The following NHS variants were observed in gnomAD, a reference collection of about 807,000 sequenced individuals.
The protein encoded by NHS is actin remodeling regulator NHS.
Under a neutral mutation model 72.5 loss-of-function variants are expected in NHS, and 5 were observed. The ratio of observed to expected loss-of-function variants is 0.07; its 90% confidence interval spans 0.04 to 0.14. NHS has a LOEUF of 0.14. NHS is among the 10% of genes least tolerant of loss of function. The pLI is 1.00. For missense variants in NHS, 1,072 were observed against 1,355.7 expected (o/e 0.79, Z 3.29); for synonymous variants, 464 against 547.7 (o/e 0.85, Z 2.13).
At chrX:17,479,772 A>G (rs763863799) in intron 1 of NHS, among the ~76,000 whole-genome samples, 1 of 111,591 alleles carries the variant, frequency 9.0e-6, no homozygotes, top group Non-Finnish European at 1.9e-5. Context: ...GTTTAAGTCC[A>G]TTGTAGGTTC....
rs913487460 is a variant in NHS at position 17,582,067 on chromosome X, C to T, written c.566-105675C>T. ...TCCCGTCCGGCCATTGAATTAAAAT[C>T]AGATAATTCAGTTGGGTTTTCGGGA... On this transcript the variant is annotated intron_variant, in intron 1 of 8. Coordinates refer to ENST00000676302, the MANE Select transcript of NHS (RefSeq NM_001291867.2). Among the ~76,000 whole-genome samples the T allele has an allele frequency of 2.7e-5, 3 of 111,862 alleles. No homozygotes were observed. The East Asian group carries it at 8.5e-4, about 32-fold the overall frequency.
At chrX:17,494,494 C>T (rs1263569904) in intron 1 of NHS, among the ~76,000 whole-genome samples, 1 of 112,496 alleles carries the variant, frequency 8.9e-6, no homozygotes, top group Non-Finnish European at 1.9e-5. Context: ...CAAACTTGTT[C>T]TGGGAATCCT....
intron 2 of NHS, among the ~76,000 whole-genome samples, chrX:17,688,436 G>T (rs1022599544): frequency 1.8e-5 from 2 of 112,007 alleles, no homozygotes; most frequent in African/African-American, 6.5e-5. Context: ...TGAGACCTGG[G>T]ACACATTTTC....
At chrX:17,378,330 A>T (rs2064357380) in intron 1 of NHS, among the ~76,000 whole-genome samples, 1 of 111,762 alleles carries the variant, frequency 8.9e-6, no homozygotes, top group African/African-American at 3.3e-5. Flanking sequence ...GTACATGAAT[A>T]ATAAAGATGG....
intron 1 of NHS, among the ~76,000 whole-genome samples, chrX:17,583,560 G>A (rs1054012555): frequency 8.9e-6 from 1 of 112,199 alleles, no homozygotes; most frequent in Non-Finnish European, 1.9e-5. Context: ...AATTATTTCC[G>A]CCAAAGGAAT....
intron 1 of NHS, among the ~76,000 whole-genome samples, chrX:17,531,129 C>T (rs1191840804): frequency 9.0e-6 from 1 of 111,477 alleles, no homozygotes; most frequent in Admixed American, 9.5e-5. Context: ...CCCCCTGCCT[C>T]ATGCTTTTAA....
In NHS at chrX:17,727,391, T is replaced by C; in HGVS notation, c.3285T>C (p.His1095=). ...PPTHLDLSAL[H]NVLNKPFHHR... ...CCCATCTTGATCTAAGTGCTCTTCA[T>C]AATGTCTTGAACAAACCATTCCACC... The change falls in exon 7 of 9, where the codon CAT becomes CAC. Residue 1095 remains histidine (H), a synonymous_variant. Coordinates refer to ENST00000676302, the MANE Select transcript of NHS (RefSeq NM_001291867.2). The C allele has an allele frequency of 1.7e-6, 2 of 1,211,441 alleles. No homozygotes were observed. Among genetic ancestry groups the C allele is most frequent in the Non-Finnish European group, 2.2e-6 (2 of 895,056 alleles).
At chrX:17,644,604 A>T (rs2065897383) in intron 1 of NHS, among the ~76,000 whole-genome samples, 4 of 111,132 alleles carry the variant, frequency 3.6e-5, no homozygotes, top group Non-Finnish European at 5.7e-5. Flanking sequence ...AAGAGGGTGA[A>T]CCAGTACCCC....
At chrX:17,470,166 C>T (rs2064886478) in intron 1 of NHS, among the ~76,000 whole-genome samples, 1 of 110,122 alleles carries the variant, frequency 9.1e-6, no homozygotes, top group African/African-American at 3.3e-5. Context: ...GCTGGGGAAA[C>T]TGAGGGGGTG....
At chrX:17,673,583 T>C (rs968507600) in intron 1 of NHS, among the ~76,000 whole-genome samples, 2 of 111,532 alleles carry the variant, frequency 1.8e-5, no homozygotes, top group Non-Finnish European at 3.8e-5. Flanking sequence ...ATTGAGGGCC[T>C]AACCTGCTGT....
intron 1 of NHS, among the ~76,000 whole-genome samples, chrX:17,419,267 G>C (rs1231438860): frequency 8.9e-6 from 1 of 112,204 alleles, no homozygotes; most frequent in East Asian, 2.8e-4. Flanking sequence ...TTTTTAAATC[G>C]GGTTCTGAGC....
chrX:17,482,400 TA>T (rs2064949726), intron 1 of NHS, among the ~76,000 whole-genome samples: 2 of 112,462 alleles, frequency 1.8e-5, no homozygotes, highest in African/African-American at 6.5e-5. Flanking sequence ...TGCTTCAGCC[TA>T]ACCAGCAAAA....
At chrX:17,555,151 A>C (rs973206771) in intron 1 of NHS, among the ~76,000 whole-genome samples, 2 of 109,840 alleles carry the variant, frequency 1.8e-5, no homozygotes. Context: ...TCTTCCTTTC[A>C]GGGAGTTCAT....
chrX:17,574,636 C>T (rs777416227), intron 1 of NHS, among the ~76,000 whole-genome samples: 4 of 112,199 alleles, frequency 3.6e-5, no homozygotes, highest in Middle Eastern at 4.6e-3. Context: ...AGGGAAATCC[C>T]CCGACCCCTT....
chrX:17,481,736 T>C (rs754509164), intron 1 of NHS, among the ~76,000 whole-genome samples: 2 of 111,956 alleles, frequency 1.8e-5, no homozygotes, highest in Non-Finnish European at 3.8e-5. Flanking sequence ...GACCAAGATA[T>C]ATAAGAACAT....
In NHS at chrX:17,449,992, A is replaced by G. The variant is rs191526304; in HGVS notation, c.565+73670A>G. 3.7e-3 allele frequency among the ~76,000 whole-genome samples: 416 copies of G among 111,961 alleles called. 1 individual carries two copies. Among genetic ancestry groups the G allele is most frequent in the Non-Finnish European group, 6.7e-3 (358 of 53,231 alleles). On this transcript the variant is annotated intron_variant, in intron 1 of 8. Transcript: ENST00000676302. ...AATGTTTGAACAGAGAAACAAAGAC[A>G]GAAAATGGGAGACATGCTCTGGTTT... is the stretch of plus-strand genomic sequence containing the variant.
chrX:17,473,157 G>C (rs1411219976), intron 1 of NHS, among the ~76,000 whole-genome samples: 3 of 112,028 alleles, frequency 2.7e-5, no homozygotes, highest in Admixed American at 9.5e-5. Context: ...TTAGTAAGTG[G>C]TGGGAAAGAA....
At chrX:17,418,369 C>T (rs1408211721) in intron 1 of NHS, among the ~76,000 whole-genome samples, 1 of 111,849 alleles carries the variant, frequency 8.9e-6, no homozygotes, top group Non-Finnish European at 1.9e-5. Context: ...ACCTCTTCAT[C>T]ATCCTGAAAT....
intron 1 of NHS, among the ~76,000 whole-genome samples, chrX:17,581,755 C>T (rs778427305): frequency 4.5e-5 from 5 of 111,360 alleles, no homozygotes; most frequent in African/African-American, 1.3e-4. Context: ...CCTTCCCCTT[C>T]GTGGTGACTT....
Sources: allele counts gnomAD v4.1 joint callset (sites outside exome capture counted in the v4.1 genomes callset), GRCh38; gene constraint gnomAD v4.1.1; transcripts MANE v1.5; gene names NCBI Gene and HGNC (gene_info 2026-07-23, HGNC 2026-07-21).